Variants in TJP1 observed in about 807,000 individuals in gnomAD.
TJP1 encodes the protein tight junction protein 1, also known as tight junction protein ZO-1.
TJP1 carries 43 observed loss-of-function variants against 194.2 expected under a neutral mutation model. That is an observed-to-expected ratio of 0.22 (90% CI 0.17 to 0.29). TJP1 has a LOEUF of 0.29. TJP1 is among the 10% of genes least tolerant of loss of function. The pLI, the probability that TJP1 is intolerant of heterozygous loss-of-function variation, is 1.00. For synonymous variants in TJP1, 801 were observed against 779.0 expected, an observed-to-expected ratio of 1.03 and a Z score of -0.47; for missense variants, 1,971 against 2,185.7, an observed-to-expected ratio of 0.90 and a Z score of 1.96.
intron 2 of TJP1, among the ~76,000 whole-genome samples, chr15:29,797,285 G>C (rs1400620536): frequency 1.3e-5 from 2 of 152,140 alleles, no homozygotes; most frequent in Non-Finnish European, 2.9e-5. Context: ...GAGTAGCTGG[G>C]ACTACAGGCA....
intron 18 of TJP1, among the ~76,000 whole-genome samples, chr15:29,722,306 T>C (rs940538975): frequency 1.3e-5 from 2 of 152,196 alleles, no homozygotes; most frequent in African/African-American, 2.4e-5. Flanking sequence ...GGCCCGGCCC[T>C]GCTGCTCTGT....
chr15:29,931,329 G>C (rs991531176), intron 2 of TJP1, among the ~76,000 whole-genome samples: 2 of 152,078 alleles, frequency 1.3e-5, no homozygotes, highest in African/African-American at 2.4e-5. Context: ...TATAAGTGGA[G>C]CCGCACTGTT....
At chr15:29,922,394 T>TCAGCTA (rs58900557) in intron 2 of TJP1, among the ~76,000 whole-genome samples, 28,810 of 152,022 alleles carry the variant, frequency 0.19, 2,799 homozygotes, top group East Asian at 0.34. Context: ...AATGCAAAGG[T>TCAGCTA]CAGCTAAAGT....
At chr15:29,899,903 T>C (rs546932066) in intron 2 of TJP1, among the ~76,000 whole-genome samples, 17 of 152,308 alleles carry the variant, frequency 1.1e-4, no homozygotes, top group South Asian at 4.1e-4. Flanking sequence ...CAGATACTGT[T>C]ATAGGTACTG....
chr15:29,859,857 C>T (rs1330913415), intron 2 of TJP1, among the ~76,000 whole-genome samples: 1 of 152,180 alleles, frequency 6.6e-6, no homozygotes, highest in Non-Finnish European at 1.5e-5. Flanking sequence ...TCCTGAATCA[C>T]CTCCATGATT....
intron 24 of TJP1, among the ~76,000 whole-genome samples, chr15:29,709,378 A>T (rs1334063308): frequency 6.6e-6 from 1 of 152,230 alleles, no homozygotes; most frequent in Non-Finnish European, 1.5e-5. Flanking sequence ...AACAAAACCA[A>T]CAAAAAGCAT....
intron 1 of TJP1, among the ~76,000 whole-genome samples, chr15:29,800,996 A>ATTCT (rs2048745522): frequency 6.6e-6 from 1 of 152,216 alleles, no homozygotes; most frequent in East Asian, 1.9e-4. Context: ...TATACTTAGA[A>ATTCT]AAGAATAAAA....
At chr15:29,869,791 CTTTCTTTTTTTTTTT>C (rs1325234048) in intron 2 of TJP1, among the ~76,000 whole-genome samples, 20 of 102,978 alleles carry the variant, frequency 1.9e-4, no homozygotes, top group African/African-American at 5.8e-4. Context: ...TTCTTTCTTT[CTTTCTTTTTTTTTTT>C]TTTTTTTTTT....
At chr15:29,871,435 C>G (rs775886160) in intron 2 of TJP1, among the ~76,000 whole-genome samples, 2 of 152,324 alleles carry the variant, frequency 1.3e-5, no homozygotes, top group African/African-American at 4.8e-5. Context: ...ATGATTTGCC[C>G]GTGTAGCCCC....
chr15:29,714,156 T>G (rs1310555608), intron 23 of TJP1, among the ~76,000 whole-genome samples: 1 of 152,230 alleles, frequency 6.6e-6, no homozygotes, highest in Non-Finnish European at 1.5e-5. Context: ...TAAGTCTTCT[T>G]TCTAGAAAAA....
In TJP1 at chr15:29,834,291, G is replaced by A. The variant is rs573128339; in HGVS notation, c.307-33589C>T. On this transcript the variant is annotated intron_variant, in intron 2 of 28. Coordinates refer to the TJP1 transcript ENST00000356107. ...GGCTGGAGTGCAGTGGCGAGATCTCGGCTCACTGCATCCTCCACCTCCCAG... is the reference window on the plus strand; with the variant it reads ...GGCTGGAGTGCAGTGGCGAGATCTCAGCTCACTGCATCCTCCACCTCCCAG... 9.9e-5 allele frequency among the ~76,000 whole-genome samples: 15 copies of A among 150,924 alleles called. No individual in the cohort carries two copies. In the East Asian group the frequency reaches 2.2e-3, roughly 22 times the overall value.
At position 29,718,726 on chromosome 15, in the gene TJP1, G is replaced by A. The variant is rs1338086444; in HGVS notation, c.3416C>T (p.Ser1139Phe). 6.2e-7 allele frequency: 1 copy of A among 1,614,168 alleles called. No individual in the cohort carries two copies. Among genetic ancestry groups the A allele is most frequent in the Non-Finnish European group, 8.5e-7 (1 of 1,180,032 alleles). ...TTCGTAACGTGGTCTGCTGTCGTAA[G>A]ACAGAGGGGCTGGCTCTTCAAAACG... Reference protein sequence around the residue: ...FPRFEEPAPLSYDSRPRYEQA... With the variant: ...FPRFEEPAPLFYDSRPRYEQA... Residue 1139 changes from serine to phenylalanine, a missense_variant, in exon 21 of 28, where the codon TCT becomes TTT. Transcript: ENST00000614355.
rs1321441128 is a variant in TJP1, at chr15:29,730,730, T to C, written c.2017+1703A>G. 1.7e-5 allele frequency: 13 copies of C among 765,390 alleles called. No individual in the cohort carries two copies. The African/African-American group carries it at 1.9e-4, about 11-fold the overall frequency. The allele number at this position is 765,390 out of a possible 1,614,324, so 47.4% of individuals were successfully genotyped here. ...CCGCCACCATGCCCAAGAGAAAGGC[T>C]GAAGGGGATGCTAAGGGAGATAAAG... On this transcript the variant is annotated intron_variant, in intron 15 of 27. Coordinates refer to ENST00000614355, the MANE Select transcript of TJP1 (RefSeq NM_001330239.4).
chr15:29,777,255 G>C (rs999720675), intron 2 of TJP1, among the ~76,000 whole-genome samples: 1 of 152,078 alleles, frequency 6.6e-6, no homozygotes, highest in South Asian at 2.1e-4. Context: ...ACTATTATAC[G>C]GTTTGGTGCC....
At chr15:29,774,351 A>C (rs989001125) in intron 2 of TJP1, among the ~76,000 whole-genome samples, 4 of 152,170 alleles carry the variant, frequency 2.6e-5, no homozygotes, top group African/African-American at 9.6e-5. Context: ...ATAAATACCA[A>C]CTATTCCAAG....
chr15:29,837,006 TATG>T (rs1472505546), intron 2 of TJP1, among the ~76,000 whole-genome samples: 3 of 152,210 alleles, frequency 2.0e-5, no homozygotes, highest in Non-Finnish European at 4.4e-5. Context: ...TTACCCAATC[TATG>T]ATATTTTGCT....
intron 2 of TJP1, among the ~76,000 whole-genome samples, chr15:29,926,944 A>G (rs2054545526): frequency 6.6e-6 from 1 of 152,124 alleles, no homozygotes; most frequent in Non-Finnish European, 1.5e-5. Context: ...TGTGTAAATT[A>G]CAGAAATTTA....
chr15:29,815,080 C>T (rs1212341363), intron 1 of TJP1, among the ~76,000 whole-genome samples: 2 of 152,104 alleles, frequency 1.3e-5, no homozygotes, highest in Admixed American at 6.6e-5. Flanking sequence ...AACTCCCTAC[C>T]CACGTATTCC....
chr15:29,753,823 A>G (rs1746827583), intron 8 of TJP1, among the ~76,000 whole-genome samples: 1 of 117,802 alleles, frequency 8.5e-6, no homozygotes, highest in Non-Finnish European at 1.9e-5. Flanking sequence ...AGGGAAACAG[A>G]AAAAAAAAAA....
Sources: gnomAD v4.1 joint callset for allele counts (sites outside exome capture counted in the v4.1 genomes callset) on GRCh38, gnomAD v4.1.1 for gene constraint, MANE v1.5 for transcripts, NCBI Gene and HGNC (gene_info 2026-07-23, HGNC 2026-07-21) for gene names.